SH3D19: variants seen among roughly 807,000 people sequenced by gnomAD.
SH3D19 encodes the protein SH3 domain-containing protein 19.
Under a neutral mutation model 112.1 loss-of-function variants are expected in SH3D19, and 58 were observed. The ratio of observed to expected loss-of-function variants is 0.52; its 90% CI spans 0.42 to 0.64. The LOEUF (loss-of-function observed/expected upper bound fraction) is 0.64, where lower values mean the gene tolerates loss of function less well. SH3D19 is among the 30% of genes least tolerant of loss of function. The pLI, the probability that SH3D19 is intolerant of heterozygous loss-of-function variation, is 0.00. For synonymous variants in SH3D19, 391 were observed against 448.5 expected (o/e 0.87, Z 1.62); for missense variants, 1,090 against 1,263.4 (o/e 0.86, Z 2.08).
At chr4:151,293,642 C>G (rs142085059) in intron 1 of SH3D19, among the ~76,000 whole-genome samples, 40 of 152,328 alleles carry the variant, frequency 2.6e-4, no homozygotes, top group Middle Eastern at 3.4e-3. Context: ...TTCTCCTCCA[C>G]AGCATTCAGA....
chr4:151,242,272 A>C (rs921389087), intron 1 of SH3D19, among the ~76,000 whole-genome samples: 8 of 152,236 alleles, frequency 5.3e-5, no homozygotes, highest in Non-Finnish European at 8.8e-5. Context: ...TACAAATTTC[A>C]TATACTGGCT....
At chr4:151,279,865 G>A (rs1298885630) in intron 1 of SH3D19, 1 of 1,595,400 alleles carries the variant, frequency 6.3e-7, no homozygotes, top group Admixed American at 1.7e-5. Flanking sequence ...CGCTGGCCTT[G>A]GCAGGTCAGC....
intron 2 of SH3D19, among the ~76,000 whole-genome samples, chr4:151,208,525 G>A (rs185335712): frequency 3.4e-4 from 51 of 151,812 alleles, no homozygotes; most frequent in Admixed American, 1.2e-3. Flanking sequence ...CATGCGGCAC[G>A]AAACCTGGCT....
intron 9 of SH3D19, among the ~76,000 whole-genome samples, chr4:151,152,521 T>C (rs1197011450): frequency 6.7e-6 from 1 of 149,420 alleles, no homozygotes; most frequent in Non-Finnish European, 1.5e-5. Flanking sequence ...TCTCTCTTTT[T>C]TTTTTTTTTT....
chr4:151,295,673 C>T (rs1337624392), intron 1 of SH3D19, among the ~76,000 whole-genome samples: 2 of 152,168 alleles, frequency 1.3e-5, no homozygotes, highest in Admixed American at 1.3e-4. Context: ...TACCTCAACC[C>T]ACTTATTTCT....
chr4:151,153,815 C>T (rs1161996844), intron 9 of SH3D19, among the ~76,000 whole-genome samples: 1 of 152,144 alleles, frequency 6.6e-6, no homozygotes, highest in African/African-American at 2.4e-5. Context: ...GGATTTTCCT[C>T]ATGTTGTCAT....
intron 10 of SH3D19, among the ~76,000 whole-genome samples, chr4:151,148,978 C>T (rs1754444592): frequency 6.6e-6 from 1 of 152,020 alleles, no homozygotes. Flanking sequence ...GCGGAGGTTG[C>T]AGTGAGCTGA....
intron 1 of SH3D19, among the ~76,000 whole-genome samples, chr4:151,286,612 A>C (rs936370854): frequency 2.0e-5 from 3 of 151,646 alleles, no homozygotes; most frequent in African/African-American, 7.2e-5. Context: ...AAAAAAAAAA[A>C]AAAACTACGA....
At position 151,163,880 on chromosome 4, in the gene SH3D19, G is replaced by T. The variant is rs1242388748; in HGVS notation, c.1642+1709C>A. On this transcript the variant is annotated intron_variant, in intron 8 of 19. Transcript: ENST00000604030. The stretch of plus-strand genomic sequence containing the variant: ...TTACAGGTGTGAGCCACCATGGCTG[G>T]CCTACCACTGGTTTTTAAATCTAAC... Among the ~76,000 whole-genome samples, 3 of 152,208 alleles carry T rather than the reference G, an allele frequency of 2.0e-5. No homozygotes were observed. In the South Asian group the frequency reaches 6.2e-4, roughly 32 times the overall value.
rs982032430 is a variant in SH3D19, at chr4:151,226,258, G to A, written c.113-172C>T. 42 of 1,222,320 alleles carry A rather than the reference G, an allele frequency of 3.4e-5. 1 individual carries two copies. Among genetic ancestry groups the A allele is most frequent in the Non-Finnish European group, 4.0e-5 (39 of 982,264 alleles). The allele number at this position is 1,222,320 out of a possible 1,614,324, so 75.7% of individuals were successfully genotyped here. A position where few individuals can be genotyped will look rare whatever the true frequency, so the allele number is the denominator to read the frequency against. On this transcript the variant is annotated intron_variant, in intron 1 of 19. Coordinates refer to ENST00000604030, the MANE Select transcript of SH3D19 (RefSeq NM_001378122.1). The stretch of plus-strand genomic sequence containing the variant: ...CAGTTCGCCTGACAGAGGCAGAAAA[G>A]ACACAATGAAGGACAGGCATAAAAG...
intron 2 of SH3D19, among the ~76,000 whole-genome samples, chr4:151,207,012 CTTTTAG>C (rs1173979744): frequency 6.6e-6 from 1 of 151,984 alleles, no homozygotes; most frequent in Non-Finnish European, 1.5e-5. Context: ...TCAGCTCTGT[CTTTTAG>C]TTTAAACTTT....
chr4:151,300,745 T>C (rs1234207633), intron 1 of SH3D19: 1 of 152,008 alleles, frequency 6.6e-6, no homozygotes, highest in Non-Finnish European at 1.5e-5. Flanking sequence ...GCTTTGGTGG[T>C]TGTATAGAGA....
intron 1 of SH3D19, among the ~76,000 whole-genome samples, chr4:151,232,465 T>C (rs7687117): frequency 0.79 from 120,434 of 152,036 alleles, 49,916 homozygotes; most frequent in East Asian, 0.93. Flanking sequence ...CACTTAAGCA[T>C]ACCACAAATG....
chr4:151,148,230 A>C (rs1270223844), intron 10 of SH3D19, 44 bp from the exon 11 acceptor site: 1 of 1,521,066 alleles, frequency 6.6e-7, no homozygotes, highest in African/African-American at 1.4e-5. Flanking sequence ...TTTGATCAGT[A>C]TTAAATTCTG....
chr4:151,245,146 AAAAAT>A (rs200539581), intron 1 of SH3D19, among the ~76,000 whole-genome samples: 1 of 150,010 alleles, frequency 6.7e-6, no homozygotes, highest in African/African-American at 2.4e-5. Context: ...TCCATCTCAA[AAAAAT>A]AAAATAAAAT....
chr4:151,240,712 T>C (rs1246183999), intron 1 of SH3D19, among the ~76,000 whole-genome samples: 2 of 151,884 alleles, frequency 1.3e-5, no homozygotes, highest in Non-Finnish European at 2.9e-5. Flanking sequence ...AATGGTACAG[T>C]TGCTTTGGAA....
chr4:151,266,700 T>C (rs762581812), intron 1 of SH3D19, among the ~76,000 whole-genome samples: 1 of 152,166 alleles, frequency 6.6e-6, no homozygotes, highest in Non-Finnish European at 1.5e-5. Context: ...AGAGACTAGA[T>C]TGAGATTACT....
At chr4:151,261,738 T>C (rs780245194) in intron 1 of SH3D19, among the ~76,000 whole-genome samples, 10 of 152,222 alleles carry the variant, frequency 6.6e-5, no homozygotes, top group Admixed American at 3.9e-4. Flanking sequence ...CTGCTTTTGT[T>C]CTTGTTTAGC....
At chr4:151,281,392 C>T (rs1338261487) in intron 1 of SH3D19, among the ~76,000 whole-genome samples, 5 of 152,090 alleles carry the variant, frequency 3.3e-5, no homozygotes, top group Admixed American at 6.5e-5. Flanking sequence ...CAAGAACAAA[C>T]GCATTAAATA....
Sources: gnomAD v4.1 joint callset for allele counts (sites outside exome capture counted in the v4.1 genomes callset) on GRCh38, gnomAD v4.1.1 for gene constraint, MANE v1.5 for transcripts, NCBI Gene and HGNC (gene_info 2026-07-23, HGNC 2026-07-21) for gene names.